The following FAT3 variants were observed in gnomAD, a reference collection of about 807,000 sequenced individuals.
FAT3 encodes protocadherin Fat 3.
Under a neutral mutation model 310.2 loss-of-function variants are expected in FAT3, and 95 were observed. That is an observed-to-expected ratio of 0.31 (90% CI 0.26 to 0.36). The LOEUF (loss-of-function observed/expected upper bound fraction) is 0.36, where lower values mean the gene tolerates loss of function less well. Ranked by LOEUF, FAT3 falls within the 10% of genes least tolerant of loss-of-function variation. The pLI is 1.00. For synonymous variants in FAT3, 2,314 were observed against 2,192.9 expected, an observed-to-expected ratio of 1.06 and a Z score of -1.54; for missense variants, 5,408 against 5,715.6, an observed-to-expected ratio of 0.95 and a Z score of 1.74.
intron 3 of FAT3, among the ~76,000 whole-genome samples, chr11:92,565,615 G>A (rs1431624632): frequency 1.3e-5 from 2 of 151,462 alleles, no homozygotes; most frequent in Admixed American, 1.3e-4. Context: ...TATCCTTGAT[G>A]AACATTGATG....
chr11:92,316,351 G>A (rs1350073443), intron 1 of FAT3, among the ~76,000 whole-genome samples: 1 of 152,144 alleles, frequency 6.6e-6, no homozygotes, highest in African/African-American at 2.4e-5. Flanking sequence ...CTTGTTGGCA[G>A]GAGTATAACT....
chr11:92,237,876 A>G (rs1258805976), intron 1 of FAT3, among the ~76,000 whole-genome samples: 1 of 152,148 alleles, frequency 6.6e-6, no homozygotes, highest in African/African-American at 2.4e-5. Context: ...CCTGAATAAG[A>G]TGTAGGAAAT....
At position 92,744,777 on chromosome 11, in the gene FAT3, G is replaced by A. The variant is rs572443659; in HGVS notation, c.3670-17079G>A. Among the ~76,000 whole-genome samples, 8 of 151,574 alleles carry A rather than the reference G, an allele frequency of 5.3e-5. No individual in the cohort carries two copies. The East Asian group carries it at 1.4e-3, about 26-fold the overall frequency. On this transcript the variant is annotated intron_variant, in intron 4 of 27. Coordinates refer to ENST00000525166, the MANE Select transcript of FAT3 (RefSeq NM_001367949.2). ...AGAAATTTTTACAATACACTGTATG[G>A]GCCAAAAAAAAGAAAGCATATTTCT...
At chr11:92,517,448 C>A (rs2135334330) in intron 2 of FAT3, among the ~76,000 whole-genome samples, 1 of 152,276 alleles carries the variant, frequency 6.6e-6, no homozygotes, top group Admixed American at 6.5e-5. Context: ...GGACCCCTTT[C>A]TTACATCTTG....
chr11:92,812,669 T>C (rs1423239592), intron 13 of FAT3, among the ~76,000 whole-genome samples: 1 of 151,740 alleles, frequency 6.6e-6, no homozygotes, highest in Non-Finnish European at 1.5e-5. Flanking sequence ...TTATTAGAAA[T>C]TTAGATTTCC....
intron 2 of FAT3, among the ~76,000 whole-genome samples, chr11:92,455,769 G>A (rs1315336132): frequency 6.6e-6 from 1 of 152,036 alleles, no homozygotes; most frequent in Non-Finnish European, 1.5e-5. Flanking sequence ...TTTACATGAT[G>A]GGAATAATAA....
chr11:92,346,525 T>A (rs1296633436), intron 1 of FAT3, among the ~76,000 whole-genome samples: 2 of 152,318 alleles, frequency 1.3e-5, no homozygotes, highest in South Asian at 4.1e-4. Flanking sequence ...GTGGTCCCTC[T>A]CTGGACCCTT....
chr11:92,260,432 A>G (rs1293501957), intron 1 of FAT3, among the ~76,000 whole-genome samples: 1 of 152,170 alleles, frequency 6.6e-6, no homozygotes, highest in Non-Finnish European at 1.5e-5. Flanking sequence ...GTGGTAAGGC[A>G]TGAAATTGGA....
At chr11:92,374,021 C>CAGAGAGAGGGAGAGAGAGAG (rs1949269956) in intron 2 of FAT3, among the ~76,000 whole-genome samples, 4 of 106,234 alleles carry the variant, frequency 3.8e-5, no homozygotes, top group Admixed American at 3.6e-4. Flanking sequence ...GACTCTCAGA[C>CAGAGAGAGGGAGAGAGAGAG]AGAGAGAGGG....
intron 2 of FAT3, among the ~76,000 whole-genome samples, chr11:92,362,969 C>T (rs1948919893): frequency 6.6e-6 from 1 of 152,146 alleles, no homozygotes; most frequent in African/African-American, 2.4e-5. Flanking sequence ...CTAACTTATG[C>T]TCTCCACATC....
At chr11:92,615,177 A>G (rs556565505) in intron 3 of FAT3, among the ~76,000 whole-genome samples, 4 of 152,264 alleles carry the variant, frequency 2.6e-5, no homozygotes, top group African/African-American at 9.6e-5. Context: ...TGTTTGGGCT[A>G]TTTTGTTCCT....
chr11:92,329,217 G>A (rs1591116082), intron 1 of FAT3, among the ~76,000 whole-genome samples: 1 of 151,740 alleles, frequency 6.6e-6, no homozygotes, highest in Admixed American at 6.6e-5. Context: ...TGATCCTAAT[G>A]TTGGAGGTGA....
chr11:92,289,670 G>A (rs1382874365), intron 1 of FAT3, among the ~76,000 whole-genome samples: 4 of 152,012 alleles, frequency 2.6e-5, no homozygotes, highest in African/African-American at 9.7e-5. Flanking sequence ...TCCAAGTCAA[G>A]AAGACAGGGT....
intron 3 of FAT3, among the ~76,000 whole-genome samples, chr11:92,579,466 A>G (rs1366825227): frequency 1.3e-5 from 2 of 152,128 alleles, no homozygotes; most frequent in East Asian, 3.9e-4. Context: ...CTGGAGATAT[A>G]TTCAATAATA....
intron 23 of FAT3, 41 bp downstream of exon 23, chr11:92,880,925 T>G (rs1403624683): frequency 6.3e-7 from 1 of 1,594,142 alleles, no homozygotes; most frequent in African/African-American, 1.3e-5. Context: ...ACACTGTTCT[T>G]TATTGCTACA....
At chr11:92,402,742 A>T (rs550611590) in intron 2 of FAT3, among the ~76,000 whole-genome samples, 7 of 150,854 alleles carry the variant, frequency 4.6e-5, no homozygotes, top group African/African-American at 1.5e-4. Flanking sequence ...AAAAAAAAAA[A>T]GAAAGAAAGA....
At chr11:92,416,428 C>T (rs2134956362) in intron 2 of FAT3, among the ~76,000 whole-genome samples, 1 of 151,392 alleles carries the variant, frequency 6.6e-6, no homozygotes, top group Non-Finnish European at 1.5e-5. Context: ...TCCACGTTAA[C>T]ATCAATCAAT....
In FAT3 at chr11:92,834,896, G is replaced by T; in HGVS notation, c.9898G>T (p.Asp3300Tyr). ...TGGISVSEVL[D>Y]YELCKRFYLV... ...GGGTATTTCTGTCTCTGAAGTCCTG[G>T]ACTATGAATTATGCAAAAGGTTTTA... The change falls in exon 15 of 28, where the codon GAC (aspartate) becomes TAC (tyrosine). Residue 3300 changes from aspartate to tyrosine, a missense_variant. By Grantham distance (160) the Asp-to-Tyr change is radical. Around this residue, in one of 5 missense-constraint regions of FAT3, gnomAD observed 4,588 missense variants for 4,809.8 expected, o/e 0.95. Transcript: ENST00000525166. 6.2e-7 allele frequency: 1 copy of T among 1,611,914 alleles called. No homozygotes were observed. The highest frequency in any genetic ancestry group is 8.5e-7 in the Non-Finnish European group (1 of 1,179,050).
At chr11:92,544,705 G>A (rs974433307) in intron 3 of FAT3, among the ~76,000 whole-genome samples, 31 of 152,146 alleles carry the variant, frequency 2.0e-4, no homozygotes, top group African/African-American at 6.8e-4. Context: ...AAGCTCTCAG[G>A]ATTCACAAAG....
Sources: allele counts gnomAD v4.1 joint callset (sites outside exome capture counted in the v4.1 genomes callset), GRCh38; gene constraint gnomAD v4.1.1; regional missense constraint gnomAD v4.1.1; transcripts MANE v1.5; gene names NCBI Gene and HGNC (gene_info 2026-07-23, HGNC 2026-07-21).